Variants in PROSER3 observed in about 807,000 individuals in gnomAD.
PROSER3 encodes the protein proline and serine-rich protein 3.
A neutral mutation model predicts 50.2 loss-of-function variants in PROSER3; 33 were observed. The observed-to-expected ratio is 0.66, with a 90% confidence interval of 0.50 to 0.88. PROSER3 has a LOEUF of 0.88. PROSER3 is among the 40% of genes least tolerant of loss of function. The pLI, the probability that PROSER3 is intolerant of heterozygous loss-of-function variation, is 0.00. For missense variants in PROSER3, 623 were observed against 612.7 expected (o/e 1.02, Z -0.18); for synonymous variants, 266 against 259.3 (o/e 1.03, Z -0.25).
chr19:35,761,971 A>T, intron 3 of PROSER3, 48 bp from the exon 4 acceptor site: 3 of 1,522,530 alleles, frequency 2.0e-6, no homozygotes, highest in Non-Finnish European at 2.7e-6. Context: ...TCTTATTATT[A>T]TTTGGCTCTC....
At chr19:35,763,393 A>G (rs1971022595) in intron 5 of PROSER3, among the ~76,000 whole-genome samples, 1 of 149,352 alleles carries the variant, frequency 6.7e-6, no homozygotes. Flanking sequence ...TTTAGTAGAG[A>G]TGGGATTTCA....
exon 11 of PROSER3, chr19:35,768,513 G>A (rs35178229): frequency 0.11 from 182,249 of 1,597,296 alleles, 11,195 homozygotes; most frequent in Admixed American, 0.18. Flanking sequence ...GCTAAGAAGG[G>A]AAGGAGATTC....
At chr19:35,768,275 C>T in intron 10 of PROSER3, 39 bp downstream of exon 10, 1 of 1,593,256 alleles carries the variant, frequency 6.3e-7, no homozygotes, top group Non-Finnish European at 8.6e-7. Flanking sequence ...TGACACTGGG[C>T]CCCGGAGACC....
chr19:35,758,372 C>G lies in PROSER3; in HGVS notation c.11+146C>G, dbSNP rs974265984. On this transcript the variant is annotated intron_variant, in intron 1 of 10. Transcript: ENST00000396908. Reference sequence around the variant, plus strand: ...TACAATTCCCAACATGCTCCACAGCCGTTGGCCTCTCCAGCCGTAGCCGTT... The same window carrying G: ...TACAATTCCCAACATGCTCCACAGCGGTTGGCCTCTCCAGCCGTAGCCGTT... The G allele has an allele frequency of 5.4e-6, 6 of 1,117,298 alleles. No individual in the cohort carries two copies. The African/African-American group carries it at 9.8e-5, about 18-fold the overall frequency. The allele number at this position is 1,117,298 out of a possible 1,614,324, so 69.2% of individuals were successfully genotyped here. A position where few individuals can be genotyped will look rare whatever the true frequency, so the allele number is the denominator to read the frequency against.
At chr19:35,768,122 C>T in intron 9 of PROSER3, 33 bp from the exon 10 acceptor site, 2 of 1,606,918 alleles carry the variant, frequency 1.2e-6, no homozygotes, top group Non-Finnish European at 1.7e-6. Context: ...AGAGGCCGGC[C>T]CCTTGGAGCT....
At chr19:35,767,857 G>A (rs1484957290) in exon 9 of PROSER3, 1 of 1,612,604 alleles carries the variant, frequency 6.2e-7, no homozygotes, top group Non-Finnish European at 8.5e-7. Flanking sequence ...CAGTGATACG[G>A]AAGAGCGAAG....
chr19:35,764,726 G>A, intron 5 of PROSER3, 128 bp from the exon 6 acceptor site: 1 of 751,450 alleles, frequency 1.3e-6, no homozygotes, highest in East Asian at 2.7e-5. Context: ...TGAGGAGGAG[G>A]AGCAGATCCT....
At position 35,763,368 on chromosome 19, in the gene PROSER3, A is replaced by AT. The variant is rs1268747408; in HGVS notation, c.543+1019dup. On this transcript the variant is annotated intron_variant, in intron 5 of 10. Transcript: ENST00000396908. The stretch of plus-strand genomic sequence containing the variant: ...AGGTGCATGCCACCACACCCAGCTA[A>AT]TTTTTTTGTATTTTTTTAGTAGAGA... 3.3e-5 allele frequency among the ~76,000 whole-genome samples: 5 copies of AT among 149,942 alleles called. No homozygotes were observed. The East Asian group carries it at 5.9e-4, about 18-fold the overall frequency.
At chr19:35,763,378 A>AT (rs1568410666) in intron 5 of PROSER3, among the ~76,000 whole-genome samples, 1 of 132,814 alleles carries the variant, frequency 7.5e-6, no homozygotes, top group South Asian at 2.4e-4. Context: ...ATTTTTTTGT[A>AT]TTTTTTTAGT....
rs768365566 is a variant in PROSER3 at position 35,764,836 on chromosome 19, G to A, written c.544-18G>A. 24 of 1,609,116 alleles carry A rather than the reference G, an allele frequency of 1.5e-5. No homozygotes were observed. Among genetic ancestry groups the A allele is most frequent in the South Asian group, 6.6e-5 (6 of 90,538 alleles). ...AGCCTTTGGGTTGGGGCTGGCGTCT[G>A]ACCCTGTCACCCTGCAGAACCTCCA... On this transcript the variant is annotated intron_variant, in intron 5 of 10. Transcript: ENST00000396908.
In PROSER3 at chr19:35,765,435, T is replaced by C. The variant is rs145805491; in HGVS notation, c.769+259T>C. Among the ~76,000 whole-genome samples, 599 of 152,200 alleles carry C rather than the reference T, an allele frequency of 3.9e-3. 5 individuals carry two copies. The highest frequency in any genetic ancestry group is 0.013 in the African/African-American group (543 of 41,550). On this transcript the variant is annotated intron_variant, in intron 7 of 10. Coordinates refer to ENST00000396908, the Ensembl canonical transcript of PROSER3. ...AAAATTAGCCACGCGTGGTACATAA[T>C]GGTGCATAGTGGTGCATGCCTGTAG...
At chr19:35,768,178 G>A (rs1270562364) in exon 10 of PROSER3, 1 of 1,613,668 alleles carries the variant, frequency 6.2e-7, no homozygotes, top group Non-Finnish European at 8.5e-7. Flanking sequence ...CGAGTTCCAG[G>A]ACGATCCCGT....
intron 1 of PROSER3, chr19:35,758,461 C>T: frequency 2.3e-6 from 1 of 435,886 alleles, no homozygotes; most frequent in Non-Finnish European, 4.0e-6. Context: ...GGAATTATTG[C>T]CTCTAAAGGT....
intron 1 of PROSER3, 63 bp downstream of exon 1, chr19:35,758,289 A>C: frequency 2.0e-6 from 3 of 1,521,862 alleles, no homozygotes; most frequent in Non-Finnish European, 1.8e-6. Flanking sequence ...CGAGAGCAGC[A>C]CAGCCTAGGA....
chr19:35,766,647 T>C, intron 7 of PROSER3, 121 bp from the exon 8 acceptor site: 1 of 677,802 alleles, frequency 1.5e-6, no homozygotes, highest in Non-Finnish European at 2.5e-6. Flanking sequence ...GCTGGGACAG[T>C]ATCTGGAGAG....
At chr19:35,767,855 C>T (rs780180435) in exon 9 of PROSER3, 9 of 1,612,458 alleles carry the variant, frequency 5.6e-6, no homozygotes, top group African/African-American at 2.7e-5. Flanking sequence ...GTCAGTGATA[C>T]GGAAGAGCGA....
rs1471903375 is a variant in PROSER3 at position 35,768,262 on chromosome 19, C to A, written c.1301+26C>A. 4.4e-6 allele frequency: 7 copies of A among 1,603,760 alleles called. No homozygotes were observed. In the Admixed American group the frequency reaches 1.2e-4, roughly 27 times the overall value. On this transcript the variant is annotated intron_variant, in intron 10 of 10. Coordinates refer to ENST00000396908, the Ensembl canonical transcript of PROSER3. The stretch of plus-strand genomic sequence containing the variant: ...GTGACCGACCCTCCATCCCCAGAGT[C>A]TATGACACTGGGCCCCGGAGACCTC...
intron 5 of PROSER3, 175 bp downstream of exon 5, chr19:35,762,531 A>T: frequency 7.2e-6 from 3 of 418,854 alleles, no homozygotes. Context: ...TGACATGGTG[A>T]GATTCTGCCT....
At position 35,764,298 on chromosome 19, in the gene PROSER3, T is replaced by A. The variant is rs1358090423; in HGVS notation, c.544-556T>A. Among the ~76,000 whole-genome samples the A allele has an allele frequency of 2.6e-5, 4 of 152,116 alleles. No homozygotes were observed. In the East Asian group the frequency reaches 7.7e-4, roughly 29 times the overall value. ...CACTGTGAACCAGAGGATAGAATGC[T>A]CTGATGAAGCAGCTCTGATCTGGGA... On this transcript the variant is annotated intron_variant, in intron 5 of 10. Coordinates refer to ENST00000396908, the Ensembl canonical transcript of PROSER3.
Sources: allele counts gnomAD v4.1 joint callset (sites outside exome capture counted in the v4.1 genomes callset), GRCh38; gene constraint gnomAD v4.1.1; transcripts MANE v1.5; gene names NCBI Gene and HGNC (gene_info 2026-07-23, HGNC 2026-07-21).